The following SLC25A48 variants were observed in gnomAD, a reference collection of about 807,000 sequenced individuals.
SLC25A48 encodes CTC-321K16.1.
A neutral mutation model predicts 32.2 loss-of-function variants in SLC25A48; 29 were observed. The ratio of observed to expected loss-of-function variants is 0.90; its 90% CI spans 0.67 to 1.23. The LOEUF (loss-of-function observed/expected upper bound fraction) is 1.23. SLC25A48 is among the 50% of genes most tolerant of loss of function. The probability of loss-of-function intolerance (pLI) is 0.00; values close to 1 mark genes in which losing one functional copy is unlikely to be tolerated. For synonymous variants in SLC25A48, 164 were observed against 172.3 expected (o/e 0.95, Z 0.38); for missense variants, 399 against 422.7 (o/e 0.94, Z 0.49).
intron 3 of SLC25A48, among the ~76,000 whole-genome samples, chr5:135,676,381 G>T: frequency 6.6e-6 from 1 of 150,848 alleles, no homozygotes; most frequent in South Asian, 2.1e-4. Flanking sequence ...TTTTTTTATT[G>T]GTCACTCTAA....
chr5:135,696,720 C>G (rs1046304729), intron 3 of SLC25A48, among the ~76,000 whole-genome samples: 5 of 152,206 alleles, frequency 3.3e-5, no homozygotes, highest in Non-Finnish European at 5.9e-5. Context: ...GCTTCATTCA[C>G]TCATTCCCTG....
chr5:135,634,616 G>T (rs762451264), intron 2 of SLC25A48, among the ~76,000 whole-genome samples: 2 of 152,222 alleles, frequency 1.3e-5, no homozygotes, highest in Non-Finnish European at 2.9e-5. Context: ...GTGATTTGGG[G>T]TTCAGTGTTG....
chr5:135,584,018 G>C (rs1171882992), intron 1 of SLC25A48, among the ~76,000 whole-genome samples: 1 of 152,222 alleles, frequency 6.6e-6, no homozygotes, highest in Non-Finnish European at 1.5e-5. Flanking sequence ...AATATTTAGA[G>C]ATCCTGAGTA....
At chr5:135,805,883 A>G (rs1194188477) in intron 3 of SLC25A48, among the ~76,000 whole-genome samples, 1 of 151,388 alleles carries the variant, frequency 6.6e-6, no homozygotes, top group African/African-American at 2.4e-5. Context: ...ATACCCTGTG[A>G]TATTATTTGT....
intron 3 of SLC25A48, among the ~76,000 whole-genome samples, chr5:135,769,262 G>A (rs970792668): frequency 7.1e-6 from 1 of 140,056 alleles, no homozygotes; most frequent in Admixed American, 7.3e-5. Context: ...GCAATATTGG[G>A]GGGGGAGAAT....
intron 3 of SLC25A48, among the ~76,000 whole-genome samples, chr5:135,731,831 T>TG: frequency 6.6e-6 from 1 of 152,286 alleles, no homozygotes; most frequent in Non-Finnish European, 1.5e-5. Flanking sequence ...AGTGGCTGTT[T>TG]GGGGATAGCA....
intron 3 of SLC25A48, among the ~76,000 whole-genome samples, chr5:135,761,655 C>T (rs1047227485): frequency 6.6e-6 from 1 of 152,188 alleles, no homozygotes; most frequent in Non-Finnish European, 1.5e-5. Flanking sequence ...AGAGGCCTCT[C>T]GTCCATCACC....
At chr5:135,659,409 C>T (rs893381584) in intron 3 of SLC25A48, among the ~76,000 whole-genome samples, 2 of 152,168 alleles carry the variant, frequency 1.3e-5, no homozygotes, top group African/African-American at 4.8e-5. Flanking sequence ...ATCAGCCTGG[C>T]CATCTTTGTC....
At chr5:135,713,053 G>T (rs180781335) in intron 3 of SLC25A48, among the ~76,000 whole-genome samples, 20 of 152,240 alleles carry the variant, frequency 1.3e-4, no homozygotes, top group Admixed American at 1.3e-3. Flanking sequence ...TGGGTTTAAC[G>T]AACAGTGATC....
chr5:135,691,280 C>A (rs755698130), intron 3 of SLC25A48, among the ~76,000 whole-genome samples: 5 of 152,186 alleles, frequency 3.3e-5, no homozygotes, highest in Admixed American at 6.5e-5. Flanking sequence ...TATTCAGAGG[C>A]TGTGGCTTTC....
intron 3 of SLC25A48, among the ~76,000 whole-genome samples, chr5:135,728,563 T>C (rs1755147069): frequency 6.6e-6 from 1 of 152,186 alleles, no homozygotes; most frequent in Non-Finnish European, 1.5e-5. Context: ...TTTAAATTTC[T>C]TGTTTGTGTA....
intron 1 of SLC25A48, among the ~76,000 whole-genome samples, chr5:135,625,242 G>A (rs1752418114): frequency 6.6e-6 from 1 of 152,138 alleles, no homozygotes; most frequent in African/African-American, 2.4e-5. Context: ...AGTCCTGCAG[G>A]AGGACAAAAG....
At position 135,780,606 on chromosome 5, in the gene SLC25A48, C is replaced by T. The variant is rs1756696468; in HGVS notation, c.-520-31917C>T. ...CTCAATATCGCAGGTGGCATATAAC[C>T]CCTCTGTGATATTGTTTCTAATATT... On this transcript the variant is annotated intron_variant, in intron 3 of 10. Coordinates refer to the SLC25A48 transcript ENST00000646290. Among the ~76,000 whole-genome samples the T allele has an allele frequency of 1.8e-5, 2 of 114,216 alleles. 1 individual carries two copies. Among genetic ancestry groups the T allele is most frequent in the Non-Finnish European group, 4.3e-5 (2 of 46,294 alleles). 74.9% of individuals were successfully genotyped at this position (114,216 alleles called of 152,430 possible). A position where few individuals can be genotyped will look rare whatever the true frequency, so the allele number is the denominator to read the frequency against.
intron 1 of SLC25A48, 117 bp downstream of exon 1, chr5:135,835,010 C>T: frequency 7.6e-7 from 1 of 1,315,822 alleles, no homozygotes; most frequent in Non-Finnish European, 1.1e-6. Context: ...GTTGTGCGCG[C>T]AGCCTGCTTT....
chr5:135,823,070 GC>G (rs1255860391), intron 4 of SLC25A48, among the ~76,000 whole-genome samples: 5 of 152,068 alleles, frequency 3.3e-5, no homozygotes, highest in Non-Finnish European at 7.4e-5. Flanking sequence ...TGGTCAGGCT[GC>G]CTGCAGGGAG....
At chr5:135,697,459 C>T (rs192333753) in intron 3 of SLC25A48, among the ~76,000 whole-genome samples, 37 of 152,298 alleles carry the variant, frequency 2.4e-4, no homozygotes, top group East Asian at 9.7e-4. Flanking sequence ...ATGCTGGCTG[C>T]GTGTTTTGCT....
intron 1 of SLC25A48, among the ~76,000 whole-genome samples, chr5:135,585,154 C>G (rs1049075742): frequency 1.2e-4 from 19 of 152,100 alleles, no homozygotes; most frequent in Non-Finnish European, 2.8e-4. Context: ...TAGAGCTGTC[C>G]CCCACTGCTT....
intron 1 of SLC25A48, among the ~76,000 whole-genome samples, chr5:135,622,224 G>A (rs912187240): frequency 9.2e-5 from 14 of 152,258 alleles, no homozygotes; most frequent in African/African-American, 3.4e-4. Context: ...GATATTCAGG[G>A]GATGGGTGGG....
At chr5:135,758,892 ATAT>A (rs1187584548) in intron 3 of SLC25A48, among the ~76,000 whole-genome samples, 2 of 150,724 alleles carry the variant, frequency 1.3e-5, no homozygotes, top group Non-Finnish European at 3.0e-5. Flanking sequence ...TATTAATAGA[ATAT>A]TATCTATGCT....
Sources: gnomAD v4.1 joint callset for allele counts (sites outside exome capture counted in the v4.1 genomes callset) on GRCh38, gnomAD v4.1.1 for gene constraint, MANE v1.5 for transcripts, NCBI Gene and HGNC (gene_info 2026-07-23, HGNC 2026-07-21) for gene names.